Variants in HSPA4L observed in about 807,000 individuals in gnomAD.
The protein encoded by HSPA4L is heat shock protein family A (Hsp70) member 4 like.
A neutral mutation model predicts 100.3 loss-of-function variants in HSPA4L; 48 were observed. The ratio of observed to expected loss-of-function variants is 0.48; its 90% confidence interval spans 0.38 to 0.61. HSPA4L has a LOEUF of 0.61. HSPA4L is among the 20% of genes least tolerant of loss of function. The pLI is 0.00. For synonymous variants in HSPA4L, 319 were observed against 328.2 expected (o/e 0.97, Z 0.30); for missense variants, 886 against 988.6 (o/e 0.90, Z 1.39).
At chr4:127,831,720 A>T (rs1241995651) in intron 18 of HSPA4L, among the ~76,000 whole-genome samples, 3 of 152,066 alleles carry the variant, frequency 2.0e-5, no homozygotes, top group African/African-American at 7.2e-5. Flanking sequence ...AGATTTGTTT[A>T]TATGTATGTG....
chr4:127,821,612 A>C (rs1398013775), intron 14 of HSPA4L, among the ~76,000 whole-genome samples: 5 of 152,144 alleles, frequency 3.3e-5, no homozygotes, highest in African/African-American at 9.7e-5. Flanking sequence ...ACTGAGACAC[A>C]AGTAGACTAA....
rs1196600342 is a variant in HSPA4L at position 127,811,705 on chromosome 4, G to A, written c.1578+69G>A. 4.4e-6 allele frequency: 5 copies of A among 1,147,800 alleles called. No individual in the cohort carries two copies. The African/African-American group carries it at 6.2e-5, about 14-fold the overall frequency. The allele number at this position is 1,147,800 out of a possible 1,614,324, so 71.1% of individuals were successfully genotyped here. ...ATACAGTATATCTTAATCATAACTG[G>A]GACTTTAATAGTTGAATACATTACT... On this transcript the variant is annotated intron_variant, in intron 12 of 18. Transcript: ENST00000296464.
chr4:127,795,957 A>G, intron 3 of HSPA4L, 49 bp downstream of exon 3: 1 of 1,576,260 alleles, frequency 6.3e-7, no homozygotes, highest in Non-Finnish European at 8.7e-7. Context: ...AATTAAGTAA[A>G]CCCAATGTGA....
At chr4:127,819,442 C>G (rs1733753698) in intron 13 of HSPA4L, among the ~76,000 whole-genome samples, 1 of 152,020 alleles carries the variant, frequency 6.6e-6, no homozygotes, top group Non-Finnish European at 1.5e-5. Flanking sequence ...TTATTTAAAA[C>G]CTGGAAACTT....
At chr4:127,828,747 A>G (rs764584809) in intron 17 of HSPA4L, among the ~76,000 whole-genome samples, 1 of 152,144 alleles carries the variant, frequency 6.6e-6, no homozygotes, top group Non-Finnish European at 1.5e-5. Flanking sequence ...TGTAAGGATA[A>G]TGAAAAAGTA....
In HSPA4L at chr4:127,833,374, A is replaced by AG. The variant is rs1734134717; in HGVS notation, c.*500_*501insG. Reference sequence around the variant, plus strand: ...AAAACAAATAAGAGCTTTCTCAACAAATTAGTCCATCTCATTGATGTACCA... The same window carrying AG: ...AAAACAAATAAGAGCTTTCTCAACAAGATTAGTCCATCTCATTGATGTACCA... On this transcript the variant is annotated 3_prime_UTR_variant, in exon 19 of 19. Transcript: ENST00000296464. 6.6e-6 allele frequency: 1 copy of AG among 152,650 alleles called. No homozygotes were observed. Among genetic ancestry groups the AG allele is most frequent in the Non-Finnish European group, 1.5e-5 (1 of 68,058 alleles). The allele number at this position is 152,650 out of a possible 1,614,324, so 9.5% of individuals were successfully genotyped here.
intron 11 of HSPA4L, among the ~76,000 whole-genome samples, chr4:127,810,813 TG>T (rs1242785836): frequency 6.6e-6 from 1 of 151,978 alleles, no homozygotes; most frequent in African/African-American, 2.4e-5. Context: ...TGGGAGCAGG[TG>T]GGGGGCAAAA....
In HSPA4L at chr4:127,805,191, T is replaced by C. The variant is rs143707866; in HGVS notation, c.1104T>C (p.Ala368=). ...AAGACATAAGTACCACATTAAATGC[T>C]GATGAAGCTGTTGCAAGAGGATGTG... The part of the protein sequence containing the change: ...FLKDISTTLN[A]DEAVARGCAL... Residue 368 remains alanine, a synonymous_variant, in exon 9 of 19, where the codon GCT becomes GCC. Transcript: ENST00000296464. The C allele has an allele frequency of 8.1e-6, 13 of 1,610,172 alleles. No individual in the cohort carries two copies. The highest frequency in any genetic ancestry group is 8.5e-6 in the Non-Finnish European group (10 of 1,178,410).
At chr4:127,818,843 A>G (rs942111694) in intron 13 of HSPA4L, among the ~76,000 whole-genome samples, 2 of 151,844 alleles carry the variant, frequency 1.3e-5, no homozygotes, top group African/African-American at 4.8e-5. Context: ...ACATGAGTGT[A>G]CCTATATAAC....
chr4:127,808,850 G>A (rs1015017515), intron 11 of HSPA4L, among the ~76,000 whole-genome samples: 3 of 152,132 alleles, frequency 2.0e-5, no homozygotes, highest in African/African-American at 4.8e-5. Context: ...TCGAACCCAG[G>A]AGGCAGAGGC....
chr4:127,819,298 T>G (rs1379653495), intron 13 of HSPA4L, among the ~76,000 whole-genome samples: 1 of 152,122 alleles, frequency 6.6e-6, no homozygotes, highest in Non-Finnish European at 1.5e-5. Flanking sequence ...CAGATGAATG[T>G]GGTTATAACT....
intron 4 of HSPA4L, among the ~76,000 whole-genome samples, chr4:127,799,066 A>G (rs1407561651): frequency 2.6e-5 from 4 of 152,170 alleles, no homozygotes; most frequent in Non-Finnish European, 5.9e-5. Context: ...GAGGTTGTGT[A>G]TCAGGGGAAA....
chr4:127,788,888 G>C (rs1253132392), intron 1 of HSPA4L, among the ~76,000 whole-genome samples: 3 of 152,204 alleles, frequency 2.0e-5, no homozygotes, highest in Non-Finnish European at 4.4e-5. Context: ...GAAACTATTT[G>C]TTCAGCCTTT....
rs973319267 is a variant in HSPA4L, at chr4:127,837,151, A to G, written c.*4277A>G. The G allele has an allele frequency of 9.2e-5, 14 of 152,364 alleles. No individual in the cohort carries two copies. The highest frequency in any genetic ancestry group is 3.1e-4 in the African/African-American group (13 of 41,568). The allele number at this position is 152,364 out of a possible 1,614,324, so 9.4% of individuals were successfully genotyped here. ...GAGATGGAGTTTTGCCATGTTGGCC[A>G]GCCTGGTCTTGAACTCTTGAACTCC... On this transcript the variant is annotated 3_prime_UTR_variant, in exon 19 of 19. Transcript: ENST00000296464.
At position 127,836,565 on chromosome 4, in the gene HSPA4L, C is replaced by T. The variant is rs1734217811; in HGVS notation, c.*3691C>T. ...TTTTTAGTATATTTGTGATTAATTC[C>T]ATGATAGAAGTCTTTAAAGAGAATT... On this transcript the variant is annotated 3_prime_UTR_variant, in exon 19 of 19. Coordinates refer to ENST00000296464, the MANE Select transcript of HSPA4L (RefSeq NM_014278.4). 1 of 151,668 alleles carries T rather than the reference C, an allele frequency of 6.6e-6. No individual in the cohort carries two copies. The highest frequency in any genetic ancestry group is 1.5e-5 in the Non-Finnish European group (1 of 67,952). The allele number at this position is 151,668 out of a possible 1,614,324, so 9.4% of individuals were successfully genotyped here.
chr4:127,808,197 G>A, intron 11 of HSPA4L, 68 bp downstream of exon 11: 1 of 1,305,924 alleles, frequency 7.7e-7, no homozygotes, highest in Non-Finnish European at 1.1e-6. Flanking sequence ...TTAGAATCAA[G>A]GAAACAAATA....
intron 11 of HSPA4L, chr4:127,809,186 C>A: frequency 9.6e-7 from 1 of 1,041,626 alleles, no homozygotes; most frequent in South Asian, 1.3e-5. Flanking sequence ...TCAAACTCTT[C>A]AGGACAAGGT....
At chr4:127,805,656 G>C in intron 9 of HSPA4L, 31 bp from the exon 10 acceptor site, 1 of 1,498,550 alleles carries the variant, frequency 6.7e-7, no homozygotes, top group Non-Finnish European at 9.3e-7. Flanking sequence ...TGTATTTGTT[G>C]ATTTAAATAT....
rs1734312494 is a variant in HSPA4L at position 127,839,493 on chromosome 4, CAGG to C, written c.*6622_*6624del. The C allele has an allele frequency of 6.6e-6, 1 of 151,860 alleles. No individual in the cohort carries two copies. The allele number at this position is 151,860 out of a possible 1,614,324, so 9.4% of individuals were successfully genotyped here. A position where few individuals can be genotyped will look rare whatever the true frequency, so the allele number is the denominator to read the frequency against. The stretch of plus-strand genomic sequence containing the variant: ...GTCCCAGCTACTCGGGAGGCTGAGG[CAGG>C]AGAATCGCTTGAACCCTGGCGAAAC... On this transcript the variant is annotated 3_prime_UTR_variant, in exon 19 of 19. Transcript: ENST00000296464.
Sources: allele counts gnomAD v4.1 joint callset (sites outside exome capture counted in the v4.1 genomes callset), GRCh38; gene constraint gnomAD v4.1.1; transcripts MANE v1.5; gene names NCBI Gene and HGNC (gene_info 2026-07-23, HGNC 2026-07-21).